SLCO1A2: variants seen among roughly 807,000 people sequenced by gnomAD.
SLCO1A2 encodes the protein solute carrier organic anion transporter family member 1A2, also known as OATP-1.
Under a neutral mutation model 69.0 loss-of-function variants are expected in SLCO1A2, and 67 were observed. That is an observed-to-expected ratio of 0.97 (90% CI 0.80 to 1.19). The LOEUF is 1.19. Ranked by LOEUF, SLCO1A2 falls within the 50% of genes most tolerant of loss-of-function variation. The pLI is 0.00. For synonymous variants in SLCO1A2, 260 were observed against 265.9 expected, an observed-to-expected ratio of 0.98 and a Z score of 0.22; for missense variants, 787 against 793.7, an observed-to-expected ratio of 0.99 and a Z score of 0.10.
chr12:21,410,661 C>G (rs1189505664), intron 1 of SLCO1A2, among the ~76,000 whole-genome samples: 3 of 152,140 alleles, frequency 2.0e-5, no homozygotes, highest in Non-Finnish European at 4.4e-5. Context: ...TAATGCTCAA[C>G]TCTAAGAGGC....
Position 21,319,029 on chromosome 12 carries a change from A to C in SLCO1A2, c.61-106T>G, listed in dbSNP as rs143673262. On this transcript the variant is annotated intron_variant, in intron 2 of 14. Coordinates refer to ENST00000683939, the MANE Select transcript of SLCO1A2 (RefSeq NM_001386879.1). ...CCATAAGACTGATTGTCTCCAACTT[A>C]AGTAACCTTTGAATTTGCAAGAAAC... The C allele has an allele frequency of 2.8e-5, 23 of 834,016 alleles. No homozygotes were observed. The African/African-American group carries it at 3.4e-4, about 12-fold the overall frequency. The allele number at this position is 834,016 out of a possible 1,614,324, so 51.7% of individuals were successfully genotyped here.
chr12:21,357,717 TA>T (rs745347016), intron 2 of SLCO1A2, among the ~76,000 whole-genome samples: 11 of 151,604 alleles, frequency 7.3e-5, no homozygotes, highest in Non-Finnish European at 2.9e-5. Flanking sequence ...TTTCTGTGTT[TA>T]TTTTTTTTGT....
intron 6 of SLCO1A2, 118 bp from the exon 7 acceptor site, chr12:21,301,387 C>T (rs1026337359): frequency 8.1e-6 from 4 of 492,602 alleles, no homozygotes; most frequent in African/African-American, 8.0e-5. Context: ...TGACTAGATA[C>T]ACAATTTATA....
intron 2 of SLCO1A2, among the ~76,000 whole-genome samples, chr12:21,365,256 A>G (rs1352882665): frequency 1.3e-5 from 2 of 152,164 alleles, no homozygotes; most frequent in South Asian, 2.1e-4. Context: ...ATCTACAACC[A>G]TCTGATCTTT....
chr12:21,312,307 G>A (rs1950324509), intron 4 of SLCO1A2, among the ~76,000 whole-genome samples: 1 of 152,186 alleles, frequency 6.6e-6, no homozygotes, highest in Non-Finnish European at 1.5e-5. Flanking sequence ...TCCTTCTGCA[G>A]CTTCCTAATC....
At chr12:21,271,733 T>C (rs1315037181) in intron 14 of SLCO1A2, among the ~76,000 whole-genome samples, 1 of 148,338 alleles carries the variant, frequency 6.7e-6, no homozygotes, top group Non-Finnish European at 1.5e-5. Context: ...ATATGTTGCA[T>C]ATGTATATTT....
chr12:21,312,077 A>G (rs376904317), intron 4 of SLCO1A2, among the ~76,000 whole-genome samples: 29 of 150,944 alleles, frequency 1.9e-4, no homozygotes, highest in Non-Finnish European at 3.2e-4. Flanking sequence ...AGGAAGAAGA[A>G]GAGGAGGAGG....
intron 2 of SLCO1A2, among the ~76,000 whole-genome samples, chr12:21,364,838 AG>A (rs1340392557): frequency 2.0e-5 from 3 of 152,194 alleles, no homozygotes; most frequent in Non-Finnish European, 4.4e-5. Context: ...CCAACTTACA[AG>A]GGATGTGAAG....
In SLCO1A2 at chr12:21,414,097, T is replaced by C. The variant is rs540984838; in HGVS notation, c.-312+3785A>G. 6.6e-5 allele frequency among the ~76,000 whole-genome samples: 10 copies of C among 152,116 alleles called. No individual in the cohort carries two copies. The South Asian group carries it at 1.0e-3, about 16-fold the overall frequency. On this transcript the variant is annotated intron_variant, in intron 1 of 4. Transcript: ENST00000413682. ...TATAAGCACTAAGAAAACTAACACTTTGAGTTGGTCTGGCGGAACTATCTC... is the reference window on the plus strand; with the variant it reads ...TATAAGCACTAAGAAAACTAACACTCTGAGTTGGTCTGGCGGAACTATCTC...
At chr12:21,323,179 T>C (rs2219791) in intron 2 of SLCO1A2, among the ~76,000 whole-genome samples, 21,833 of 152,184 alleles carry the variant, frequency 0.14, 1,815 homozygotes, top group African/African-American at 0.2. Flanking sequence ...TTCTATGCAT[T>C]GAGCTACTAT....
chr12:21,363,193 G>C (rs11502425), intron 2 of SLCO1A2, among the ~76,000 whole-genome samples: 1 of 151,796 alleles, frequency 6.6e-6, no homozygotes, highest in African/African-American at 2.4e-5. Flanking sequence ...ATAACAAACT[G>C]TCTCTCAGAC....
At chr12:21,317,876 T>A (rs1259360534) in intron 3 of SLCO1A2, among the ~76,000 whole-genome samples, 1 of 152,032 alleles carries the variant, frequency 6.6e-6, no homozygotes, top group Non-Finnish European at 1.5e-5. Context: ...CCATTCTCCC[T>A]CTCTATGGTC....
intron 1 of SLCO1A2, chr12:21,403,786 C>T (rs1055319637): frequency 6.7e-6 from 1 of 149,300 alleles, no homozygotes; most frequent in East Asian, 2.0e-4. Context: ...GCTCCAATAC[C>T]CTGTTGAAAA....
At chr12:21,403,763 T>G (rs1421008960) in intron 1 of SLCO1A2, 2 of 149,706 alleles carry the variant, frequency 1.3e-5, no homozygotes, top group Non-Finnish European at 3.0e-5. Flanking sequence ...CAGTTAACTC[T>G]TACGTGGCTT....
chr12:21,388,368 A>G (rs1352947427), intron 1 of SLCO1A2, among the ~76,000 whole-genome samples: 1 of 152,124 alleles, frequency 6.6e-6, no homozygotes, highest in East Asian at 1.9e-4. Flanking sequence ...CCCATGTGTC[A>G]TGGAAGGGAC....
At chr12:21,303,645 A>G (rs1010456826) in intron 6 of SLCO1A2, among the ~76,000 whole-genome samples, 11 of 152,196 alleles carry the variant, frequency 7.2e-5, no homozygotes, top group Admixed American at 2.0e-4. Context: ...GTCGTGCATA[A>G]TAAATTAAGA....
intron 3 of SLCO1A2, among the ~76,000 whole-genome samples, chr12:21,318,128 C>CT (rs201619597): frequency 0.062 from 8,932 of 143,626 alleles, 304 homozygotes; most frequent in Admixed American, 0.077. Flanking sequence ...TCTACCTTTT[C>CT]TTTTTTTTTT....
chr12:21,410,055 C>A (rs916503973), intron 1 of SLCO1A2, among the ~76,000 whole-genome samples: 2 of 152,054 alleles, frequency 1.3e-5, no homozygotes, highest in African/African-American at 2.4e-5. Flanking sequence ...CCTTGGATCA[C>A]CCCCTTGTTC....
chr12:21,372,013 G>GA (rs1234897824), intron 2 of SLCO1A2, among the ~76,000 whole-genome samples: 8 of 141,080 alleles, frequency 5.7e-5, no homozygotes, highest in South Asian at 4.3e-4. Flanking sequence ...CAAAAAAAAA[G>GA]AAAAAAAAAG....
Sources: allele counts gnomAD v4.1 joint callset (sites outside exome capture counted in the v4.1 genomes callset), GRCh38; gene constraint gnomAD v4.1.1; transcripts MANE v1.5; gene names NCBI Gene and HGNC (gene_info 2026-07-23, HGNC 2026-07-21).